The following AFAP1L1 variants were observed in gnomAD, a reference collection of about 807,000 sequenced individuals.
AFAP1L1 encodes actin filament associated protein 1 like 1.
Under a neutral mutation model 99.8 loss-of-function variants are expected in AFAP1L1, and 77 were observed. The ratio of observed to expected loss-of-function variants is 0.77; its 90% confidence interval spans 0.64 to 0.93. AFAP1L1 has a LOEUF of 0.93. Ranked by LOEUF, AFAP1L1 falls within the 40% of genes least tolerant of loss-of-function variation. AFAP1L1 has a pLI of 0.00. For synonymous variants in AFAP1L1, 373 were observed against 395.3 expected, an observed-to-expected ratio of 0.94 and a Z score of 0.67; for missense variants, 893 against 996.8, an observed-to-expected ratio of 0.90 and a Z score of 1.40.
Position 149,340,194 on chromosome 5 carries a change from G to T in AFAP1L1, c.*164G>T. 1 of 694,422 alleles carries T rather than the reference G, an allele frequency of 1.4e-6. No individual in the cohort carries two copies. The allele number at this position is 694,422 out of a possible 1,614,324, so 43.0% of individuals were successfully genotyped here. A position where few individuals can be genotyped will look rare whatever the true frequency, so the allele number is the denominator to read the frequency against. ...TTGTCTGCATGATTTTAGGGGATAT[G>T]GGGAGGGAACAAGTAGAAGGGAAGA... On this transcript the variant is annotated 3_prime_UTR_variant, in exon 19 of 19. Transcript: ENST00000296721.
At chr5:149,293,224 T>C (rs1271376779) in intron 1 of AFAP1L1, among the ~76,000 whole-genome samples, 1 of 152,228 alleles carries the variant, frequency 6.6e-6, no homozygotes, top group Non-Finnish European at 1.5e-5. Flanking sequence ...CGTGACCTTG[T>C]GAAGCAGCTA....
intron 1 of AFAP1L1, among the ~76,000 whole-genome samples, chr5:149,280,160 A>T (rs1310584754): frequency 2.0e-5 from 3 of 152,190 alleles, no homozygotes; most frequent in Non-Finnish European, 4.4e-5. Context: ...AATGATTCTC[A>T]CTTTAGGGAC....
chr5:149,273,481 T>C (rs1012158690), intron 1 of AFAP1L1, among the ~76,000 whole-genome samples: 1 of 152,048 alleles, frequency 6.6e-6, no homozygotes, highest in Admixed American at 6.5e-5. Context: ...GGCTTCCAGT[T>C]CAACCTCCTC....
chr5:149,287,761 T>TC (rs2127591009), intron 1 of AFAP1L1, among the ~76,000 whole-genome samples: 1 of 150,398 alleles, frequency 6.6e-6, no homozygotes, highest in African/African-American at 2.4e-5. Context: ...TGTTTTTTTT[T>TC]TTTTTTTGTA....
chr5:149,319,012 G>A (rs1756876420), intron 12 of AFAP1L1, among the ~76,000 whole-genome samples: 1 of 152,054 alleles, frequency 6.6e-6, no homozygotes, highest in South Asian at 2.1e-4. Flanking sequence ...TATACACGAA[G>A]GTTTCTGGCA....
Position 149,271,896 on chromosome 5 carries a change from C to G in AFAP1L1, c.-73C>G. The G allele has an allele frequency of 8.8e-7, 1 of 1,139,544 alleles. No individual in the cohort carries two copies. Among genetic ancestry groups the G allele is most frequent in the Non-Finnish European group, 1.1e-6 (1 of 913,902 alleles). 70.6% of individuals were successfully genotyped at this position (1,139,544 alleles called of 1,614,324 possible). A position where few individuals can be genotyped will look rare whatever the true frequency, so the allele number is the denominator to read the frequency against. ...CCGCTGGGCTGGCCTGAGAGCGCAG[C>G]GCGCCGGCCGCTACCAGCCGCGCCG... On this transcript the variant is annotated 5_prime_UTR_variant, in exon 1 of 19. Coordinates refer to ENST00000296721, the MANE Select transcript of AFAP1L1 (RefSeq NM_152406.4).
chr5:149,324,374 C>A (rs2127601362), intron 15 of AFAP1L1, among the ~76,000 whole-genome samples: 1 of 151,138 alleles, frequency 6.6e-6, no homozygotes, highest in Middle Eastern at 3.4e-3. Flanking sequence ...ACTAATCCTA[C>A]CCATGAGGGC....
chr5:149,332,842 G>A lies in AFAP1L1; in HGVS notation c.2123G>A (p.Gly708Glu), dbSNP rs760627807. 2 of 1,607,828 alleles carry A rather than the reference G, an allele frequency of 1.2e-6. No individual in the cohort carries two copies. The highest frequency in any genetic ancestry group is 1.7e-6 in the Non-Finnish European group (2 of 1,178,068). ...TCCCTGGCAGGAGGGCCAGCCCTGGGGCTCTCCGTGAGCAGCAAGCCCAAG... is the reference window on the plus strand; with the variant it reads ...TCCCTGGCAGGAGGGCCAGCCCTGGAGCTCTCCGTGAGCAGCAAGCCCAAG... ...QQSLAGGPAL[G>E]LSVSSKPKSG... The change falls in exon 17 of 19, where the codon GGG becomes GAG. Residue 708 changes from glycine (G) to glutamate (E), a missense_variant. Physicochemically the swap from Gly to Glu is moderately conservative, Grantham distance 98. Transcript: ENST00000296721.
At position 149,309,340 on chromosome 5, in the gene AFAP1L1, C is replaced by G. The variant is rs370150463; in HGVS notation, c.748-616C>G. 2.0e-5 allele frequency among the ~76,000 whole-genome samples: 3 copies of G among 152,218 alleles called. No homozygotes were observed. The East Asian group carries it at 5.8e-4, about 29-fold the overall frequency. On this transcript the variant is annotated intron_variant, in intron 7 of 18. Transcript: ENST00000296721. The stretch of plus-strand genomic sequence containing the variant: ...ATACAGTTGATCTTTGAATGGTAAA[C>G]CGCTCTTGCATTCCTAGAATAAACC...
intron 11 of AFAP1L1, among the ~76,000 whole-genome samples, chr5:149,317,480 G>A (rs775460219): frequency 3.3e-5 from 5 of 152,200 alleles, no homozygotes; most frequent in Non-Finnish European, 7.3e-5. Flanking sequence ...AGTAGTTCCT[G>A]CCCTTTTCAT....
intron 1 of AFAP1L1, among the ~76,000 whole-genome samples, chr5:149,295,623 G>A (rs1297777691): frequency 6.6e-6 from 1 of 151,968 alleles, no homozygotes; most frequent in Non-Finnish European, 1.5e-5. Flanking sequence ...AAGAGGAAGG[G>A]AGGGAAGTGG....
At position 149,323,347 on chromosome 5, in the gene AFAP1L1, T is replaced by C. The variant is rs1383415564; in HGVS notation, c.1810+630T>C. On this transcript the variant is annotated intron_variant, in intron 15 of 18. Coordinates refer to ENST00000296721, the MANE Select transcript of AFAP1L1 (RefSeq NM_152406.4). ...AGCACCCCCCAGGAGCTCAGTGAATTGCCTGATTACCACACTGCACAATAA... is the reference window on the plus strand; with the variant it reads ...AGCACCCCCCAGGAGCTCAGTGAATCGCCTGATTACCACACTGCACAATAA... Among the ~76,000 whole-genome samples, 11 of 152,358 alleles carry C rather than the reference T, an allele frequency of 7.2e-5. No individual in the cohort carries two copies. In the East Asian group the frequency reaches 2.1e-3, roughly 29 times the overall value.
At chr5:149,306,500 C>A in intron 6 of AFAP1L1, 96 bp downstream of exon 6, 3 of 1,140,512 alleles carry the variant, frequency 2.6e-6, no homozygotes, top group African/African-American at 1.5e-5. Context: ...TGCCCACCAG[C>A]CCCTCACCCA....
At chr5:149,301,048 C>A in intron 3 of AFAP1L1, 85 bp from the exon 4 acceptor site, 1 of 1,241,652 alleles carries the variant, frequency 8.1e-7, no homozygotes, top group Non-Finnish European at 1.2e-6. Context: ...ACACTCAGGC[C>A]TCCTGACCCC....
chr5:149,309,869 G>C lies in AFAP1L1; in HGVS notation c.748-87G>C, dbSNP rs989167097. 66 of 1,567,874 alleles carry C rather than the reference G, an allele frequency of 4.2e-5. No individual in the cohort carries two copies. In the East Asian group the frequency reaches 1.5e-3, roughly 35 times the overall value. On this transcript the variant is annotated intron_variant, in intron 7 of 18. Coordinates refer to ENST00000296721, the MANE Select transcript of AFAP1L1 (RefSeq NM_152406.4). Reference sequence around the variant, plus strand: ...TGGGGGAGGTCTCTAAAGGGAGGTCGGGCTTCCCCCGAGCCTTTGTGTGAG... The same window carrying C: ...TGGGGGAGGTCTCTAAAGGGAGGTCCGGCTTCCCCCGAGCCTTTGTGTGAG...
At chr5:149,309,879 C>T (rs966976253) in intron 7 of AFAP1L1, 77 bp from the exon 8 acceptor site, 27 of 1,594,948 alleles carry the variant, frequency 1.7e-5, no homozygotes, top group Admixed American at 1.0e-4. Flanking sequence ...GGGCTTCCCC[C>T]GAGCCTTTGT....
chr5:149,312,869 G>A (rs574903540), intron 9 of AFAP1L1, among the ~76,000 whole-genome samples: 1 of 149,832 alleles, frequency 6.7e-6, no homozygotes, highest in Admixed American at 6.6e-5. Flanking sequence ...GCTCACGCCT[G>A]TAATCCCAGC....
At chr5:149,324,006 G>T (rs1271782232) in intron 15 of AFAP1L1, among the ~76,000 whole-genome samples, 1 of 152,210 alleles carries the variant, frequency 6.6e-6, no homozygotes, top group Non-Finnish European at 1.5e-5. Context: ...TAAAAGTGGA[G>T]CTACTCTGGT....
At chr5:149,290,156 C>T (rs963727261) in intron 1 of AFAP1L1, among the ~76,000 whole-genome samples, 9 of 152,192 alleles carry the variant, frequency 5.9e-5, no homozygotes, top group Non-Finnish European at 1.2e-4. Flanking sequence ...TTGCTTGAAC[C>T]CGGGAGGCAG....
Sources: gnomAD v4.1 joint callset for allele counts (sites outside exome capture counted in the v4.1 genomes callset) on GRCh38, gnomAD v4.1.1 for gene constraint, MANE v1.5 for transcripts, NCBI Gene and HGNC (gene_info 2026-07-23, HGNC 2026-07-21) for gene names.